CCDC180: variants seen among roughly 807,000 people sequenced by gnomAD.
CCDC180 encodes coiled-coil domain containing 180.
Under a neutral mutation model 209.2 loss-of-function variants are expected in CCDC180, and 154 were observed. The observed-to-expected ratio is 0.74, with a 90% CI of 0.65 to 0.84. The LOEUF (loss-of-function observed/expected upper bound fraction) is 0.84. CCDC180 is among the 40% of genes least tolerant of loss of function. The pLI, the probability that CCDC180 is intolerant of heterozygous loss-of-function variation, is 0.00. For synonymous variants in CCDC180, 778 were observed against 749.1 expected (o/e 1.04, Z -0.63); for missense variants, 1,874 against 1,997.3 (o/e 0.94, Z 1.18).
chr9:97,372,702 A>T (rs977156063), intron 34 of CCDC180: 1 of 151,988 alleles, frequency 6.6e-6, no homozygotes, highest in South Asian at 2.1e-4. Flanking sequence ...TCTACTAAAA[A>T]TTTAAAGATT....
chr9:97,366,153 T>G lies in CCDC180; in HGVS notation c.4048-406T>G, dbSNP rs1490516774. On this transcript the variant is annotated intron_variant, in intron 30 of 36. Transcript: ENST00000529487. This position sits in a 1 kb window ranked among gnomAD's most constrained non-coding sequence, Gnocchi z 4.3. Reference sequence around the variant, plus strand: ...GCACCGTAGTGCGAGTGCCTTCTCCTGTCTGCCTCCCACGGGTCTGTCTGC... The same window carrying G: ...GCACCGTAGTGCGAGTGCCTTCTCCGGTCTGCCTCCCACGGGTCTGTCTGC... 6.6e-6 allele frequency among the ~76,000 whole-genome samples: 1 copy of G among 152,192 alleles called. No individual in the cohort carries two copies. Among genetic ancestry groups the G allele is most frequent in the Non-Finnish European group, 1.5e-5 (1 of 68,014 alleles).
In CCDC180 at chr9:97,366,619, G is replaced by A. The variant is rs781463898; in HGVS notation, c.4108G>A (p.Asp1370Asn). 3.7e-6 allele frequency: 6 copies of A among 1,614,212 alleles called. No homozygotes were observed. The highest frequency in any genetic ancestry group is 5.1e-6 in the Non-Finnish European group (6 of 1,180,030). Residue 1370 changes from aspartate (D) to asparagine (N), a missense_variant, in exon 31 of 37, where the codon GAC becomes AAC. Coordinates refer to ENST00000529487, the MANE Select transcript of CCDC180 (RefSeq NM_020893.6). This position sits in a 1 kb window ranked among gnomAD's most constrained non-coding sequence, Gnocchi z 4.3. ...GCCTGACTGCATGTGTGACACCTTT[G>A]ACCAGTGCGCCGAGAACATTAGCAA... ...TRPDCMCDTF[D>N]QCAENISKKI...
Position 97,359,997 on chromosome 9 carries a change from G to A in CCDC180, c.3379G>A (p.Glu1127Lys). The change falls in exon 26 of 37, where the codon GAA becomes AAA. Residue 1127 changes from glutamate to lysine, a missense_variant. Glu to Lys is a moderately conservative substitution (Grantham distance 56, BLOSUM62 1). Transcript: ENST00000529487. ...TTCTCACCAGACAGTGACCACAGAA[G>A]AACTCCTCAGCTTCGTCCAAACTTG... ...RGEKTTVTTEELLSFVQTWKE... is the reference protein window; with the variant it reads ...RGEKTTVTTEKLLSFVQTWKE... 1.2e-6 allele frequency: 2 copies of A among 1,613,772 alleles called. No individual in the cohort carries two copies. The highest frequency in any genetic ancestry group is 1.7e-6 in the Non-Finnish European group (2 of 1,179,852).
rs1827034189 is a variant in CCDC180, at chr9:97,370,030, A to G, written c.4298A>G (p.Lys1433Arg). ...HHWKKFFTSVKEIRGQFEEQQ... is the reference protein window; with the variant it reads ...HHWKKFFTSVREIRGQFEEQQ... ...TGGAAAAAGTTTTTCACCTCTGTGA[A>G]GGAGATCCGAGGACAGTTCGAGGAA... The change falls in exon 32 of 37, where the codon AAG becomes AGG. Residue 1433 changes from lysine (K) to arginine (R), a missense_variant. Physicochemically the swap from Lys to Arg is conservative, Grantham distance 26. Transcript: ENST00000529487. 1.2e-6 allele frequency: 2 copies of G among 1,614,094 alleles called. No homozygotes were observed. The highest frequency in any genetic ancestry group is 1.7e-5 in the Admixed American group (1 of 60,006).
chr9:97,350,621 TC>T (rs760129288), intron 22 of CCDC180, 66 bp downstream of exon 22: 1 of 1,477,216 alleles, frequency 6.8e-7, no homozygotes, highest in Non-Finnish European at 9.0e-7. Flanking sequence ...TGGTCTTGTT[TC>T]CCCCTTAATT....
intron 25 of CCDC180, among the ~76,000 whole-genome samples, chr9:97,358,653 T>C (rs1388505670): frequency 6.6e-6 from 1 of 152,118 alleles, no homozygotes. Flanking sequence ...GGGAGTTCTC[T>C]TCCTGGATCT....
chr9:97,369,100 CT>C (rs1827002987), intron 31 of CCDC180, among the ~76,000 whole-genome samples: 1 of 152,176 alleles, frequency 6.6e-6, no homozygotes, highest in African/African-American at 2.4e-5. Flanking sequence ...CTATGCATGA[CT>C]TTACTACCAG....
At chr9:97,356,548 C>A (rs916788995) in intron 24 of CCDC180, among the ~76,000 whole-genome samples, 1 of 152,212 alleles carries the variant, frequency 6.6e-6, no homozygotes, top group African/African-American at 2.4e-5. Context: ...CCCAGATGAG[C>A]CTCTCAGGAC....
chr9:97,344,782 A>G (rs1826199157), intron 19 of CCDC180, among the ~76,000 whole-genome samples: 1 of 152,220 alleles, frequency 6.6e-6, no homozygotes, highest in African/African-American at 2.4e-5. Flanking sequence ...AAAGTATGAA[A>G]ATCATAAGTG....
chr9:97,347,672 A>T, intron 20 of CCDC180, 183 bp downstream of exon 20: 1 of 554,282 alleles, frequency 1.8e-6, no homozygotes, highest in Non-Finnish European at 3.1e-6. Flanking sequence ...AAAAGGTAGT[A>T]CTCCAAATCC....
chr9:97,326,710 G>C, intron 15 of CCDC180, 41 bp downstream of exon 15: 1 of 1,282,524 alleles, frequency 7.8e-7, no homozygotes, highest in Non-Finnish European at 1.1e-6. Flanking sequence ...GGGATGGTCA[G>C]GAATTCATCT....
chr9:97,370,489 A>T, intron 32 of CCDC180, 152 bp from the exon 33 acceptor site: 1 of 799,430 alleles, frequency 1.3e-6, no homozygotes. Context: ...CCCCCCTCTT[A>T]ACCCCTCTGC....
intron 22 of CCDC180, 101 bp from the exon 23 acceptor site, chr9:97,354,468 C>G: frequency 8.3e-7 from 1 of 1,197,944 alleles, no homozygotes; most frequent in East Asian, 2.3e-5. Context: ...GAACTCTAAC[C>G]GGAAGCCTAG....
chr9:97,378,617 G>A lies in CCDC180; in HGVS notation c.*1723G>A, dbSNP rs1005928254. 6.6e-6 allele frequency: 1 copy of A among 152,242 alleles called. No individual in the cohort carries two copies. Among genetic ancestry groups the A allele is most frequent in the South Asian group, 2.1e-4 (1 of 4,826 alleles). The allele number at this position is 152,242 out of a possible 1,614,324, so 9.4% of individuals were successfully genotyped here. A position where few individuals can be genotyped will look rare whatever the true frequency, so the allele number is the denominator to read the frequency against. The stretch of plus-strand genomic sequence containing the variant: ...GTGGGACACTGTCATTTAAACAGCT[G>A]CAGAGTGTTCCCACTGCCTGGGGAA... On this transcript the variant is annotated 3_prime_UTR_variant, in exon 37 of 37. Coordinates refer to ENST00000529487, the MANE Select transcript of CCDC180 (RefSeq NM_020893.6).
chr9:97,307,366 T>G (rs45498203), upstream of CCDC180: 4 of 497,722 alleles, frequency 8.0e-6, no homozygotes, highest in East Asian at 5.7e-5. Flanking sequence ...CTGGCTGCCT[T>G]GAGAGGTGCT....
rs1827293287 is a variant in CCDC180 at position 97,377,616 on chromosome 9, C to T, written c.*722C>T. The T allele has an allele frequency of 6.6e-6, 1 of 152,322 alleles. No individual in the cohort carries two copies. Among genetic ancestry groups the T allele is most frequent in the Admixed American group, 6.5e-5 (1 of 15,292 alleles). The allele number at this position is 152,322 out of a possible 1,614,324, so 9.4% of individuals were successfully genotyped here. ...TTCCAGCCCCTGAAAGCTGTGTGAC[C>T]CTCCAAGTGCAGTTCCCTCACCTGG... On this transcript the variant is annotated 3_prime_UTR_variant, in exon 37 of 37. Coordinates refer to ENST00000529487, the MANE Select transcript of CCDC180 (RefSeq NM_020893.6).
intron 34 of CCDC180, chr9:97,373,102 A>C (rs10817492): frequency 0.18 from 27,961 of 152,218 alleles, 3,236 homozygotes; most frequent in Middle Eastern, 0.29. Flanking sequence ...TCTGTGTGAG[A>C]GACAGAGACA....
Position 97,328,244 on chromosome 9 carries a change from T to G in CCDC180, c.1788+98T>G, listed in dbSNP as rs192104943. ...CTGCCTAGACTTTGAAAGCCATTCCTAATGCTGCAGAGTTCAAATCAATGC... is the reference window on the plus strand; with the variant it reads ...CTGCCTAGACTTTGAAAGCCATTCCGAATGCTGCAGAGTTCAAATCAATGC... On this transcript the variant is annotated intron_variant, in intron 16 of 36. Coordinates refer to ENST00000529487, the MANE Select transcript of CCDC180 (RefSeq NM_020893.6). The G allele has an allele frequency of 6.6e-6, 9 of 1,365,192 alleles. No individual in the cohort carries two copies. The Admixed American group carries it at 1.1e-4, about 17-fold the overall frequency. The allele number at this position is 1,365,192 out of a possible 1,614,324, so 84.6% of individuals were successfully genotyped here. A position where few individuals can be genotyped will look rare whatever the true frequency, so the allele number is the denominator to read the frequency against.
rs772542890 is a variant in CCDC180 at position 97,307,986 on chromosome 9, T to C, written c.-78T>C. On this transcript the variant is annotated 5_prime_UTR_variant, in exon 2 of 37. Transcript: ENST00000529487. ...ACGGGCGATTTCCCAACCTCAGGAA[T>C]TGGAATTGAGACACCAAAGCCTAGA... 7 of 1,592,750 alleles carry C rather than the reference T, an allele frequency of 4.4e-6. No individual in the cohort carries two copies. Among genetic ancestry groups the C allele is most frequent in the East Asian group, 2.2e-5 (1 of 44,640 alleles).
Sources: gnomAD v4.1 joint callset for allele counts (sites outside exome capture counted in the v4.1 genomes callset) on GRCh38, gnomAD v4.1.1 for gene constraint, Gnocchi (gnomAD v3.1) non-coding constraint, MANE v1.5 for transcripts, NCBI Gene and HGNC (gene_info 2026-07-23, HGNC 2026-07-21) for gene names.